Variants in SGCD observed in about 807,000 individuals in gnomAD.
SGCD encodes the protein sarcoglycan delta.
A neutral mutation model predicts 36.6 loss-of-function variants in SGCD; 18 were observed. The ratio of observed to expected loss-of-function variants is 0.49; its 90% confidence interval spans 0.34 to 0.73. The LOEUF (loss-of-function observed/expected upper bound fraction) is 0.73. SGCD is among the 30% of genes least tolerant of loss of function. The probability of loss-of-function intolerance (pLI) is 0.01; values close to 1 mark genes in which losing one functional copy is unlikely to be tolerated. For synonymous variants in SGCD, 133 were observed against 130.6 expected, an observed-to-expected ratio of 1.02 and a Z score of -0.12; for missense variants, 387 against 346.7, an observed-to-expected ratio of 1.12 and a Z score of -0.92.
At chr5:156,364,988 G>A (rs1039108383) in intron 3 of SGCD, among the ~76,000 whole-genome samples, 3 of 152,320 alleles carry the variant, frequency 2.0e-5, no homozygotes, top group East Asian at 1.9e-4. Context: ...GGCATACTCA[G>A]ATAGCTTTTA....
rs954248896 is a variant in SGCD at position 156,765,698 on chromosome 5, A to T, written c.*6308A>T. On this transcript the variant is annotated 3_prime_UTR_variant, in exon 9 of 9. Coordinates refer to ENST00000337851, the MANE Select transcript of SGCD (RefSeq NM_000337.6). ...TATTCGGATGTGAAAACTGAGGCTT[A>T]TAGTGGCTAAGAAACTTGCCCAAAG... 30 of 152,180 alleles carry T rather than the reference A, an allele frequency of 2.0e-4. No individual in the cohort carries two copies. The highest frequency in any genetic ancestry group is 7.2e-4 in the African/African-American group (30 of 41,446). 9.4% of individuals were successfully genotyped at this position (152,180 alleles called of 1,614,324 possible). A position where few individuals can be genotyped will look rare whatever the true frequency, so the allele number is the denominator to read the frequency against.
At chr5:156,578,638 C>A (rs964643416) in intron 4 of SGCD, among the ~76,000 whole-genome samples, 5 of 152,154 alleles carry the variant, frequency 3.3e-5, no homozygotes, top group South Asian at 2.1e-4. Flanking sequence ...CTGGCTTAGT[C>A]TTGGGAGGTT....
chr5:156,575,035 A>G (rs1193398930), intron 4 of SGCD, among the ~76,000 whole-genome samples: 1 of 152,204 alleles, frequency 6.6e-6, no homozygotes, highest in African/African-American at 2.4e-5. Flanking sequence ...TGCAAGGCCA[A>G]GAACACCTTG....
At chr5:156,102,180 T>TA (rs1278023041) in intron 1 of SGCD, among the ~76,000 whole-genome samples, 1 of 152,020 alleles carries the variant, frequency 6.6e-6, no homozygotes, top group Non-Finnish European at 1.5e-5. Flanking sequence ...GCCAGAATTA[T>TA]AAAAAATATC....
chr5:155,978,093 AAAAATAAAAT>A (rs138088122), intron 1 of SGCD, among the ~76,000 whole-genome samples: 86 of 151,136 alleles, frequency 5.7e-4, no homozygotes, highest in African/African-American at 1.8e-3. Flanking sequence ...ACTCTGTCTC[AAAAATAAAAT>A]AAAATAAAAT....
chr5:155,750,914 G>A, the SGCD span, among the ~76,000 whole-genome samples: 1 of 152,142 alleles, frequency 6.6e-6, no homozygotes, highest in Non-Finnish European at 1.5e-5. Flanking sequence ...CAAGCATTTG[G>A]ATTGGTGACT....
intron 3 of SGCD, among the ~76,000 whole-genome samples, chr5:156,470,310 TGATTGTTACATAATTCATGAAGTTGCTG>T (rs568019580): frequency 2.7e-3 from 413 of 152,304 alleles, no homozygotes; most frequent in African/African-American, 9.7e-3. Context: ...TAAATATGAA[TGATTGTTACATAATTCATGAAGTTGCTG>T]ATGTTTTGAG....
the SGCD span, among the ~76,000 whole-genome samples, chr5:155,808,995 T>G: frequency 2.0e-5 from 3 of 152,228 alleles, no homozygotes; most frequent in Non-Finnish European, 4.4e-5. Context: ...CTACTGCCAG[T>G]CAACGTCTTA....
intron 1 of SGCD, among the ~76,000 whole-genome samples, chr5:156,088,847 C>T (rs1242203013): frequency 6.6e-6 from 1 of 152,160 alleles, no homozygotes; most frequent in Non-Finnish European, 1.5e-5. Context: ...GTCCAAGCAG[C>T]CTCCTCTGTG....
chr5:156,579,210 A>G (rs1428835860), intron 4 of SGCD, among the ~76,000 whole-genome samples: 1 of 152,130 alleles, frequency 6.6e-6, no homozygotes, highest in Non-Finnish European at 1.5e-5. Flanking sequence ...GTTTCCATGT[A>G]GTTGAGTGGT....
chr5:156,082,270 C>CA (rs546336290), intron 1 of SGCD, among the ~76,000 whole-genome samples: 4 of 37,244 alleles, frequency 1.1e-4, no homozygotes, highest in Non-Finnish European at 2.2e-4. Context: ...GGCTGGTGGG[C>CA]GGGGGGGTCC....
At chr5:156,388,877 A>G (rs1018623933) in intron 3 of SGCD, among the ~76,000 whole-genome samples, 15 of 152,264 alleles carry the variant, frequency 9.9e-5, no homozygotes, top group Admixed American at 9.2e-4. Context: ...TATCGAGACC[A>G]GAAGATCTCA....
At chr5:156,581,306 G>C (rs1030891056) in intron 4 of SGCD, among the ~76,000 whole-genome samples, 6 of 152,132 alleles carry the variant, frequency 3.9e-5, no homozygotes, top group African/African-American at 1.4e-4. Context: ...TCCCAGAGGG[G>C]CACCTGCCTG....
At chr5:156,568,639 GA>G (rs926954389) in intron 4 of SGCD, among the ~76,000 whole-genome samples, 9 of 152,186 alleles carry the variant, frequency 5.9e-5, no homozygotes, top group African/African-American at 2.2e-4. Context: ...TCTAAAGCCT[GA>G]ATTGGGCCAT....
intron 1 of SGCD, among the ~76,000 whole-genome samples, chr5:155,944,178 AGCT>A (rs1757392754): frequency 1.3e-5 from 2 of 152,284 alleles, no homozygotes; most frequent in East Asian, 3.9e-4. Context: ...ATTGTGCACT[AGCT>A]CTGTGAGTTG....
intron 1 of SGCD, among the ~76,000 whole-genome samples, chr5:156,057,509 G>A (rs1760091672): frequency 6.8e-6 from 1 of 146,388 alleles, no homozygotes; most frequent in Admixed American, 6.8e-5. Context: ...CTTTATTTGG[G>A]AACAAAACAA....
At chr5:155,838,052 C>T in the SGCD span, among the ~76,000 whole-genome samples, 127 of 152,276 alleles carry the variant, frequency 8.3e-4, no homozygotes, top group East Asian at 0.012. Context: ...CAACTCCTAC[C>T]GATGCTCCCT....
At chr5:156,630,467 C>CTG (rs1338646530) in intron 6 of SGCD, among the ~76,000 whole-genome samples, 5 of 152,266 alleles carry the variant, frequency 3.3e-5, no homozygotes, top group Middle Eastern at 3.4e-3. Context: ...TGCACTCTTA[C>CTG]TGTGTGCCAT....
chr5:155,773,771 G>A, the SGCD span, among the ~76,000 whole-genome samples: 5 of 152,242 alleles, frequency 3.3e-5, no homozygotes, highest in African/African-American at 1.2e-4. Context: ...AGTATTTAAG[G>A]TTTAGTGCCT....
Sources: gnomAD v4.1 joint callset for allele counts (sites outside exome capture counted in the v4.1 genomes callset) on GRCh38, gnomAD v4.1.1 for gene constraint, MANE v1.5 for transcripts, NCBI Gene and HGNC (gene_info 2026-07-23, HGNC 2026-07-21) for gene names.